Variants in RHBDL2 observed in about 807,000 individuals in gnomAD.
RHBDL2 encodes rhomboid like 2.
Under a neutral mutation model 31.7 loss-of-function variants are expected in RHBDL2, and 26 were observed. That is an observed-to-expected ratio of 0.82 (90% CI 0.60 to 1.14). The LOEUF (loss-of-function observed/expected upper bound fraction) is 1.14, where lower values mean the gene tolerates loss of function less well. Among genes scored for constraint, RHBDL2 ranks in the 50% most tolerant of loss-of-function variants. RHBDL2 has a pLI of 0.00. For missense variants in RHBDL2, 336 were observed against 364.4 expected (o/e 0.92, Z 0.63); for synonymous variants, 123 against 127.2 (o/e 0.97, Z 0.22).
At chr1:38,909,673 C>T (rs1008413049) in intron 4 of RHBDL2, among the ~76,000 whole-genome samples, 2 of 152,062 alleles carry the variant, frequency 1.3e-5, no homozygotes, top group South Asian at 2.1e-4. Flanking sequence ...ACCTGGGAAA[C>T]GGAGGTTGCA....
rs1472512676 is a variant in RHBDL2, at chr1:38,886,556, G to A, written c.860C>T (p.Ala287Val). The change falls in exon 8 of 8, where the codon GCT becomes GTT. Residue 287 changes from alanine (A) to valine (V), a missense_variant. Physicochemically the swap from Ala to Val is moderately conservative, Grantham distance 64. Coordinates refer to ENST00000372990, the MANE Select transcript of RHBDL2 (RefSeq NM_017821.5). The part of the protein sequence containing the change: ...RFWIAIAAYL[A>V]CVLFAVFFNI... ...GAAAAACACAGCAAATAAGACACAA[G>A]CTAAATATGCAGCAATTGCTATCCA... The A allele has an allele frequency of 6.2e-7, 1 of 1,604,070 alleles. No homozygotes were observed. Among genetic ancestry groups the A allele is most frequent in the Non-Finnish European group, 8.5e-7 (1 of 1,174,058 alleles).
chr1:38,939,781 A>G (rs1420451309), intron 1 of RHBDL2, among the ~76,000 whole-genome samples: 2 of 152,018 alleles, frequency 1.3e-5, no homozygotes, highest in Non-Finnish European at 2.9e-5. Context: ...GACTCAAGCA[A>G]TTCTCCCACC....
intron 2 of RHBDL2, among the ~76,000 whole-genome samples, chr1:38,916,366 CAG>C (rs996877630): frequency 2.6e-5 from 4 of 152,168 alleles, no homozygotes. Flanking sequence ...TCAAGACTAT[CAG>C]AGTCATGAAA....
At chr1:38,925,334 G>A (rs1643362903) in intron 1 of RHBDL2, among the ~76,000 whole-genome samples, 1 of 151,808 alleles carries the variant, frequency 6.6e-6, no homozygotes. Context: ...CCTGTCTCTA[G>A]CAAAAATACA....
At chr1:38,928,796 C>T (rs1008343626) in intron 1 of RHBDL2, among the ~76,000 whole-genome samples, 1 of 152,214 alleles carries the variant, frequency 6.6e-6, no homozygotes, top group African/African-American at 2.4e-5. Context: ...CATGGTGGCT[C>T]ATGCCTGTAA....
intron 2 of RHBDL2, among the ~76,000 whole-genome samples, chr1:38,916,753 C>T (rs995686249): frequency 6.6e-6 from 1 of 151,050 alleles, no homozygotes; most frequent in Non-Finnish European, 1.5e-5. Context: ...CACCTGTAAT[C>T]CCAGCTACTT....
At chr1:38,899,256 A>G (rs1043539834) in intron 4 of RHBDL2, among the ~76,000 whole-genome samples, 2 of 152,232 alleles carry the variant, frequency 1.3e-5, no homozygotes, top group African/African-American at 2.4e-5. Context: ...AGCAAGGCCC[A>G]GGTACCCCCA....
At chr1:38,897,483 A>T (rs575489199) in intron 4 of RHBDL2, among the ~76,000 whole-genome samples, 1 of 152,192 alleles carries the variant, frequency 6.6e-6, no homozygotes, top group Non-Finnish European at 1.5e-5. Context: ...CAGGCAGGAG[A>T]TTGCTTGAGG....
intron 1 of RHBDL2, chr1:38,929,362 C>T (rs1557623461): frequency 1.6e-6 from 2 of 1,280,324 alleles, no homozygotes; most frequent in Non-Finnish European, 1.0e-6. Context: ...GGATTTGCCT[C>T]TTTGAGAAGC....
Position 38,919,271 on chromosome 1 carries a change from C to T in RHBDL2, c.-59G>A, listed in dbSNP as rs1557619387. 6.2e-7 allele frequency: 1 copy of T among 1,612,848 alleles called. No homozygotes were observed. Among genetic ancestry groups the T allele is most frequent in the East Asian group, 2.2e-5 (1 of 44,880 alleles). On this transcript the variant is annotated 5_prime_UTR_variant, in exon 2 of 8. Transcript: ENST00000372990. ...TGAATCCCAGGGAACAGCAGGTGGC[C>T]CTAGGTCCTCAGGCTGCCGCTCTTC...
chr1:38,895,246 G>T (rs1025607376), intron 5 of RHBDL2, among the ~76,000 whole-genome samples: 16 of 152,044 alleles, frequency 1.1e-4, no homozygotes, highest in Admixed American at 9.8e-4. Flanking sequence ...GTAGGATTTT[G>T]AATACATGTA....
chr1:38,885,875 T>C lies in RHBDL2; in HGVS notation c.*629A>G, dbSNP rs1642775942. 1 of 152,638 alleles carries C rather than the reference T, an allele frequency of 6.6e-6. No individual in the cohort carries two copies. The highest frequency in any genetic ancestry group is 2.1e-4 in the South Asian group (1 of 4,830). 9.5% of individuals were successfully genotyped at this position (152,638 alleles called of 1,614,324 possible). On this transcript the variant is annotated 3_prime_UTR_variant, in exon 8 of 8. Transcript: ENST00000372990. Reference sequence around the variant, plus strand: ...AGATTTTATGAAGCATTCTCCAAAATATATCCTCCAAGGAGAGTAAGTCTG... The same window carrying C: ...AGATTTTATGAAGCATTCTCCAAAACATATCCTCCAAGGAGAGTAAGTCTG...
At chr1:38,898,467 G>T (rs1642946863) in intron 4 of RHBDL2, among the ~76,000 whole-genome samples, 1 of 152,154 alleles carries the variant, frequency 6.6e-6, no homozygotes, top group Non-Finnish European at 1.5e-5. Context: ...AATAGGATTT[G>T]CTGTCTCACT....
In RHBDL2 at chr1:38,893,196, C is replaced by T; in HGVS notation, c.638G>A (p.Gly213Glu). 6.4e-7 allele frequency: 1 copy of T among 1,569,652 alleles called. No homozygotes were observed. Among genetic ancestry groups the T allele is most frequent in the Non-Finnish European group, 8.8e-7 (1 of 1,141,214 alleles). Residue 213 changes from glycine to glutamate, a missense_variant, in exon 6 of 8, where the codon GGA becomes GAA. By Grantham distance (98) the Gly-to-Glu change is moderately conservative. Transcript: ENST00000372990. ...GATGATGATCAGCAGTCTGAAAATT[C>T]CAAAGGCAGGAATCATTTCTTGAAA... is the stretch of plus-strand genomic sequence containing the variant. Reference protein sequence around the residue: ...VNFQEMIPAFGIFRLLIIILI... With the variant: ...VNFQEMIPAFEIFRLLIIILI...
chr1:38,911,330 A>T lies in RHBDL2; in HGVS notation c.500T>A (p.Val167Glu), dbSNP rs996424947. ...TACCTCAGAACACTGACCTGCAATC[A>T]CTCCTGCCAGGTACACCAGCCCCAC... is the stretch of plus-strand genomic sequence containing the variant. ...LRVGLVYLAG[V>E]IAGSLASSIF... is the part of the protein sequence containing the mutation. Residue 167 changes from valine (V) to glutamate (E), a missense_variant, in exon 4 of 8, where the codon GTG becomes GAG. Val to Glu is a moderately radical substitution (Grantham distance 121). Transcript: ENST00000372990. 2 of 1,609,958 alleles carry T rather than the reference A, an allele frequency of 1.2e-6. No individual in the cohort carries two copies. Among genetic ancestry groups the T allele is most frequent in the Non-Finnish European group, 1.7e-6 (2 of 1,176,440 alleles).
At chr1:38,906,066 C>CAAAAAAAAAA (rs771773572) in intron 4 of RHBDL2, among the ~76,000 whole-genome samples, 1 of 68,024 alleles carries the variant, frequency 1.5e-5, no homozygotes. Flanking sequence ...GACTCCAACT[C>CAAAAAAAAAA]AAAAAAAAAA....
chr1:38,890,040 T>TTC (rs1642834952), intron 6 of RHBDL2, among the ~76,000 whole-genome samples: 1 of 137,934 alleles, frequency 7.2e-6, no homozygotes, highest in South Asian at 2.2e-4. Context: ...TAATATTTTC[T>TTC]TTTTTTTTTT....
At chr1:38,903,436 G>A (rs1011324808) in intron 4 of RHBDL2, among the ~76,000 whole-genome samples, 5 of 151,910 alleles carry the variant, frequency 3.3e-5, no homozygotes, top group African/African-American at 9.7e-5. Context: ...TACCACCCCC[G>A]GCCGAGAAAT....
At chr1:38,891,880 A>T (rs1264304208) in intron 6 of RHBDL2, among the ~76,000 whole-genome samples, 1 of 152,202 alleles carries the variant, frequency 6.6e-6, no homozygotes, top group African/African-American at 2.4e-5. Context: ...CTTGGCTTTC[A>T]GGTCTGACCC....
Sources: allele counts gnomAD v4.1 joint callset (sites outside exome capture counted in the v4.1 genomes callset), GRCh38; gene constraint gnomAD v4.1.1; transcripts MANE v1.5; gene names NCBI Gene and HGNC (gene_info 2026-07-23, HGNC 2026-07-21).